CLIP1: variants seen among roughly 807,000 people sequenced by gnomAD.
CLIP1 encodes CAP-Gly domain-containing linker protein 1.
CLIP1 carries 66 observed loss-of-function variants against 161.6 expected under a neutral mutation model. The observed-to-expected ratio is 0.41, with a 90% CI of 0.33 to 0.50. CLIP1 has a LOEUF of 0.50. CLIP1 is among the 20% of genes least tolerant of loss of function. The pLI is 0.27. For missense variants in CLIP1, 1,376 were observed against 1,702.0 expected, an observed-to-expected ratio of 0.81 and a Z score of 3.37; for synonymous variants, 598 against 626.2, an observed-to-expected ratio of 0.96 and a Z score of 0.67.
At chr12:122,352,609 C>A in intron 8 of CLIP1, 117 bp downstream of exon 8, 2 of 923,988 alleles carry the variant, frequency 2.2e-6, no homozygotes, top group East Asian at 4.9e-5. Context: ...CCAGAACCTT[C>A]CCCCGCCACT....
chr12:122,293,438 T>C (rs539184560), intron 20 of CLIP1, among the ~76,000 whole-genome samples: 1 of 152,166 alleles, frequency 6.6e-6, no homozygotes, highest in Non-Finnish European at 1.5e-5. Flanking sequence ...CTGGTGAGAA[T>C]GTAAAATAGT....
intron 21 of CLIP1, among the ~76,000 whole-genome samples, chr12:122,284,753 G>C (rs893225172): frequency 6.6e-6 from 1 of 152,058 alleles, no homozygotes; most frequent in African/African-American, 2.4e-5. Context: ...TCATCATTAA[G>C]TACATCATCT....
rs59785886 is a variant in CLIP1, at chr12:122,294,328, C to CAAA, written c.3595-5790_3595-5788dup. On this transcript the variant is annotated intron_variant, in intron 20 of 25. Transcript: ENST00000620786. ...TGGGTAAGAGTGCAAGACTCTGTCT[C>CAAA]AAAAAAAAAAAAAAACAAAAAAAAA... 8.9e-3 allele frequency among the ~76,000 whole-genome samples: 749 copies of CAAA among 83,952 alleles called. 10 individuals carry two copies. Among genetic ancestry groups the CAAA allele is most frequent in the African/African-American group, 0.025 (462 of 18,286 alleles). 55.1% of individuals were successfully genotyped at this position (83,952 alleles called of 152,430 possible).
Position 122,330,126 on chromosome 12 carries a change from A to C in CLIP1, c.2868-1700T>G, listed in dbSNP as rs555104957. Among the ~76,000 whole-genome samples, 38 of 152,320 alleles carry C rather than the reference A, an allele frequency of 2.5e-4. 1 individual carries two copies. The South Asian group carries it at 5.8e-3, about 23-fold the overall frequency. ...GAGCAAAGCTCCGTCTCAAAAAAAA[A>C]CAAAAAACAAAAAACACGGGATGTT... On this transcript the variant is annotated intron_variant, in intron 15 of 25. Coordinates refer to ENST00000620786, the MANE Select transcript of CLIP1 (RefSeq NM_001247997.2).
At chr12:122,421,463 C>T (rs944408391) in intron 1 of CLIP1, among the ~76,000 whole-genome samples, 2 of 152,062 alleles carry the variant, frequency 1.3e-5, no homozygotes, top group Admixed American at 6.6e-5. Flanking sequence ...CAGCAGTGGC[C>T]ACAGCACTTA....
chr12:122,403,303 A>G (rs1406834849), intron 1 of CLIP1, among the ~76,000 whole-genome samples: 2 of 152,178 alleles, frequency 1.3e-5, no homozygotes, highest in Non-Finnish European at 2.9e-5. Flanking sequence ...TGCTGGCAGC[A>G]CAAGGCACTG....
intron 8 of CLIP1, 145 bp downstream of exon 8, chr12:122,352,581 G>T: frequency 1.4e-6 from 1 of 692,096 alleles, no homozygotes; most frequent in Non-Finnish European, 2.6e-6. Flanking sequence ...TACCGGCACC[G>T]TCACCACAAA....
chr12:122,340,736 AGG>A lies in CLIP1; in HGVS notation c.2451+15_2451+16del. On this transcript the variant is annotated intron_variant, in intron 11 of 25. Coordinates refer to ENST00000620786, the MANE Select transcript of CLIP1 (RefSeq NM_001247997.2). Reference sequence around the variant, plus strand: ...TAACAAATGGAAAAGAAAAGAATGGAGGATGTCAATACAAACCTTGCTACTTT... The same window carrying A: ...TAACAAATGGAAAAGAAAAGAATGGAATGTCAATACAAACCTTGCTACTTT... 6.6e-7 allele frequency: 1 copy of A among 1,511,296 alleles called. No individual in the cohort carries two copies. Among genetic ancestry groups the A allele is most frequent in the Non-Finnish European group, 8.9e-7 (1 of 1,119,202 alleles). 93.6% of individuals were successfully genotyped at this position (1,511,296 alleles called of 1,614,324 possible).
intron 20 of CLIP1, among the ~76,000 whole-genome samples, chr12:122,294,680 A>G (rs1356102153): frequency 1.3e-5 from 2 of 151,738 alleles, no homozygotes; most frequent in African/African-American, 4.8e-5. Context: ...GGAGGCTACA[A>G]TGAGTCAAGA....
chr12:122,310,353 T>C (rs1951018815), intron 19 of CLIP1, among the ~76,000 whole-genome samples: 1 of 152,236 alleles, frequency 6.6e-6, no homozygotes, highest in Non-Finnish European at 1.5e-5. Flanking sequence ...AATGGTCCCA[T>C]TTACCAGTAT....
intron 15 of CLIP1, among the ~76,000 whole-genome samples, chr12:122,330,200 T>G (rs1297173111): frequency 6.6e-6 from 1 of 152,058 alleles, no homozygotes; most frequent in Non-Finnish European, 1.5e-5. Context: ...AGAGGGAAAC[T>G]TGGGGGGCAC....
At chr12:122,349,902 T>G (rs1593130373) in intron 9 of CLIP1, among the ~76,000 whole-genome samples, 2 of 73,030 alleles carry the variant, frequency 2.7e-5, no homozygotes. Flanking sequence ...TTGTTTTTTT[T>G]GTTTTTTTTG....
Position 122,373,331 on chromosome 12 carries a change from G to A in CLIP1, c.657+4058C>T, listed in dbSNP as rs533988345. Among the ~76,000 whole-genome samples the A allele has an allele frequency of 2.0e-3, 310 of 151,904 alleles. 3 individuals carry two copies. The highest frequency in any genetic ancestry group is 7.2e-3 in the African/African-American group (297 of 41,406). On this transcript the variant is annotated intron_variant, in intron 3 of 25. Transcript: ENST00000620786. ...GTCCCAGCTCCGGAGGCTGAGGCAC[G>A]AGAATCGCTTGAACCCGGCAGGCAG...
chr12:122,404,158 C>T (rs376401727), intron 1 of CLIP1, among the ~76,000 whole-genome samples: 32 of 152,328 alleles, frequency 2.1e-4, no homozygotes, highest in African/African-American at 7.7e-4. Context: ...ATGTGTGTGA[C>T]GCCACCAAAC....
At chr12:122,327,119 G>C (rs541857870) in intron 17 of CLIP1, among the ~76,000 whole-genome samples, 1 of 152,264 alleles carries the variant, frequency 6.6e-6, no homozygotes, top group Non-Finnish European at 1.5e-5. Context: ...CAGTGGGCAA[G>C]GTTGAACTTC....
chr12:122,296,674 G>C (rs558667238), intron 20 of CLIP1, among the ~76,000 whole-genome samples: 8 of 152,022 alleles, frequency 5.3e-5, no homozygotes, highest in African/African-American at 1.9e-4. Flanking sequence ...TGAAATGACA[G>C]GGTATCTAGG....
At chr12:122,397,145 TGA>T (rs888219120) in intron 1 of CLIP1, among the ~76,000 whole-genome samples, 2 of 151,842 alleles carry the variant, frequency 1.3e-5, no homozygotes, top group African/African-American at 4.8e-5. Context: ...ATCACGTGAC[TGA>T]GTTCTAGCCA....
At chr12:122,359,491 C>G (rs1197565593) in intron 5 of CLIP1, among the ~76,000 whole-genome samples, 1 of 152,212 alleles carries the variant, frequency 6.6e-6, no homozygotes, top group Non-Finnish European at 1.5e-5. Context: ...CAAGCTGTCC[C>G]TATCAGAGTT....
intron 2 of CLIP1, among the ~76,000 whole-genome samples, chr12:122,380,144 G>A (rs1254710106): frequency 6.6e-6 from 1 of 151,414 alleles, no homozygotes; most frequent in Non-Finnish European, 1.5e-5. Flanking sequence ...TTGGGAGGCT[G>A]AGGCAGGAGA....
Sources: allele counts gnomAD v4.1 joint callset (sites outside exome capture counted in the v4.1 genomes callset), GRCh38; gene constraint gnomAD v4.1.1; transcripts MANE v1.5; gene names NCBI Gene and HGNC (gene_info 2026-07-23, HGNC 2026-07-21).